PSMD13: variants seen among roughly 807,000 people sequenced by gnomAD.
The protein encoded by PSMD13 is 26S proteasome non-ATPase regulatory subunit 13.
Under a neutral mutation model 57.4 loss-of-function variants are expected in PSMD13, and 8 were observed. The ratio of observed to expected loss-of-function variants is 0.14; its 90% confidence interval spans 0.08 to 0.25. The LOEUF (loss-of-function observed/expected upper bound fraction) is 0.25, where lower values mean the gene tolerates loss of function less well. Ranked by LOEUF, PSMD13 falls within the 10% of genes least tolerant of loss-of-function variation. The pLI is 1.00. For synonymous variants in PSMD13, 193 were observed against 168.2 expected, an observed-to-expected ratio of 1.15 and a Z score of -1.14; for missense variants, 400 against 461.5, an observed-to-expected ratio of 0.87 and a Z score of 1.22.
rs982723841 is a variant in PSMD13 at position 244,754 on chromosome 11, T to C, written c.389T>C (p.Val130Ala). Reference sequence around the variant, plus strand: ...AAATTAAACATCGGGGACCTACAGGTTACAAAGGTGAGATCACCATAATAC... The same window carrying C: ...AAATTAAACATCGGGGACCTACAGGCTACAAAGGTGAGATCACCATAATAC... ...ALKLNIGDLQ[V>A]TKETIEDVEE... is the part of the protein sequence containing the mutation. The change falls in exon 6 of 13, where the codon GTT becomes GCT. Residue 130 changes from valine (V) to alanine (A), a missense_variant. Transcript: ENST00000532097. 14 of 1,609,552 alleles carry C rather than the reference T, an allele frequency of 8.7e-6. No homozygotes were observed. In the African/African-American group the frequency reaches 1.5e-4, roughly 17 times the overall value.
chr11:248,779 C>T lies in PSMD13; in HGVS notation c.572C>T (p.Ser191Phe). ...TGGGCCTGTGTTGCTACCATAGTGTCTGAGCAGCAGGAGAGAGCCTTCACG... is the reference window on the plus strand; with the variant it reads ...TGGGCCTGTGTTGCTACCATAGTGTTTGAGCAGCAGGAGAGAGCCTTCACG... The part of the protein sequence containing the change: ...GCVDIKDLPV[S>F]EQQERAFTLG... The change falls in exon 8 of 13, where the codon TCT becomes TTT. Residue 191 changes from serine to phenylalanine, a missense_variant. Transcript: ENST00000532097. 6.2e-7 allele frequency: 1 copy of T among 1,614,026 alleles called. No homozygotes were observed. The highest frequency in any genetic ancestry group is 8.5e-7 in the Non-Finnish European group (1 of 1,179,904).
At chr11:249,117 G>C in intron 9 of PSMD13, 60 bp downstream of exon 9, 1 of 1,595,370 alleles carries the variant, frequency 6.3e-7, no homozygotes, top group South Asian at 1.1e-5. Flanking sequence ...TCATACAACA[G>C]ATGTTCATTG....
Position 248,982 on chromosome 11 carries a change from G to A in PSMD13, c.699G>A (p.Leu233=). 1 of 1,614,174 alleles carries A rather than the reference G, an allele frequency of 6.2e-7. No individual in the cohort carries two copies. Among genetic ancestry groups the A allele is most frequent in the Non-Finnish European group, 8.5e-7 (1 of 1,180,042 alleles). Residue 233 remains leucine, a synonymous_variant, in exon 9 of 13, where the codon CTG becomes CTA. Transcript: ENST00000532097. The stretch of plus-strand genomic sequence containing the variant: ...TGAGGAATACTGACCGGCAGTGGCT[G>A]ATTGACACCCTCTATGCCTTCAACA... ...ESLRNTDRQW[L]IDTLYAFNSG...
chr11:249,543 A>C (rs901164985), intron 9 of PSMD13, among the ~76,000 whole-genome samples: 1 of 117,534 alleles, frequency 8.5e-6, no homozygotes, highest in East Asian at 2.7e-4. Context: ...CGGTGGGTGC[A>C]GGGAGGGGGA....
intron 2 of PSMD13, among the ~76,000 whole-genome samples, chr11:239,709 A>G (rs765074601): frequency 2.0e-5 from 3 of 152,092 alleles, no homozygotes; most frequent in Non-Finnish European, 2.9e-5. Context: ...GTAGACAAAT[A>G]CGCACCTTCT....
In PSMD13 at chr11:251,188, C is replaced by G. The variant is rs967875232; in HGVS notation, c.837+323C>G. 2.2e-6 allele frequency: 1 copy of G among 452,278 alleles called. No individual in the cohort carries two copies. The highest frequency in any genetic ancestry group is 3.7e-5 in the Admixed American group (1 of 27,088). The allele number at this position is 452,278 out of a possible 1,614,324, so 28.0% of individuals were successfully genotyped here. A position where few individuals can be genotyped will look rare whatever the true frequency, so the allele number is the denominator to read the frequency against. On this transcript the variant is annotated intron_variant, in intron 10 of 12. Transcript: ENST00000532097. This position sits in a 1 kb window ranked among gnomAD's most constrained non-coding sequence, Gnocchi z 4.6. ...CATTGCATGTCGCTTCTTGTGTACA[C>G]GCACATCTGTCTTTCCCCACTAGAA...
At position 248,758 on chromosome 11, in the gene PSMD13, C is replaced by T; in HGVS notation, c.569-18C>T. The T allele has an allele frequency of 1.9e-6, 3 of 1,611,732 alleles. No homozygotes were observed. Among genetic ancestry groups the T allele is most frequent in the Non-Finnish European group, 2.5e-6 (3 of 1,177,878 alleles). On this transcript the variant is annotated intron_variant, in intron 7 of 12. Transcript: ENST00000532097. ...TTATTATGACTGGATTGTAAGTGGG[C>T]CTGTGTTGCTACCATAGTGTCTGAG...
At position 251,700 on chromosome 11, in the gene PSMD13, C is replaced by T. The variant is rs766879358; in HGVS notation, c.918+74C>T. ...AGGAGTCAAGGCTCTTGTGTGAGCG[C>T]TGTGCTCCCTAGACAGTAAAAAATG... On this transcript the variant is annotated intron_variant, in intron 11 of 12. Transcript: ENST00000532097. This position sits in a 1 kb window ranked among gnomAD's most constrained non-coding sequence, Gnocchi z 4.6. 5.2e-6 allele frequency: 8 copies of T among 1,545,680 alleles called. No homozygotes were observed. The Middle Eastern group carries it at 5.1e-4, about 98-fold the overall frequency.
chr11:250,609 T>C (rs1278660971), intron 9 of PSMD13, among the ~76,000 whole-genome samples, 194 bp from the exon 10 acceptor site: 1 of 152,224 alleles, frequency 6.6e-6, no homozygotes, highest in Non-Finnish European at 1.5e-5. Context: ...TGCGACTCTT[T>C]CCATTTCCTA....
Position 249,027 on chromosome 11 carries a change from C to T in PSMD13, c.744C>T (p.Phe248=), listed in dbSNP as rs201506453. 4 of 1,613,462 alleles carry T rather than the reference C, an allele frequency of 2.5e-6. No homozygotes were observed. The highest frequency in any genetic ancestry group is 3.4e-6 in the Non-Finnish European group (4 of 1,180,030). The change falls in exon 9 of 13, where the codon TTC becomes TTT. Residue 248 remains phenylalanine, a synonymous_variant. Transcript: ENST00000532097. Reference sequence around the variant, plus strand: ...TCAACAGTGGCAACGTAGAGCGGTTCCAGACTCTGAAGACTGCCTGGGGCC... The same window carrying T: ...TCAACAGTGGCAACGTAGAGCGGTTTCAGACTCTGAAGACTGCCTGGGGCC... ...YAFNSGNVER[F]QTLKTAWGQQ...
At position 237,164 on chromosome 11, in the gene PSMD13, G is replaced by T; in HGVS notation, c.95+20G>T. On this transcript the variant is annotated intron_variant, in intron 1 of 12. Transcript: ENST00000532097. ...GAAGAAGTGAGCGCCGAGCAGACGG[G>T]CCCTGGGCCCCGGCGATAGAGGGAG... is the stretch of plus-strand genomic sequence containing the variant. The T allele has an allele frequency of 1.3e-6, 2 of 1,597,838 alleles. No individual in the cohort carries two copies. Among genetic ancestry groups the T allele is most frequent in the Non-Finnish European group, 1.7e-6 (2 of 1,169,876 alleles).
chr11:251,008 CT>C lies in PSMD13; in HGVS notation c.837+147del. 1.4e-6 allele frequency: 1 copy of C among 731,102 alleles called. No homozygotes were observed. Among genetic ancestry groups the C allele is most frequent in the Non-Finnish European group, 2.3e-6 (1 of 429,342 alleles). 45.3% of individuals were successfully genotyped at this position (731,102 alleles called of 1,614,324 possible). A position where few individuals can be genotyped will look rare whatever the true frequency, so the allele number is the denominator to read the frequency against. ...GTGCGCCGCTCTCTTCACCACCTTCCTTTTCCTTTGCTACCACTTGCTCTTC... is the reference window on the plus strand; with the variant it reads ...GTGCGCCGCTCTCTTCACCACCTTCCTTTCCTTTGCTACCACTTGCTCTTC... On this transcript the variant is annotated intron_variant, in intron 10 of 12. Transcript: ENST00000532097. This position sits in a 1 kb window ranked among gnomAD's most constrained non-coding sequence, Gnocchi z 4.6.
Position 247,468 on chromosome 11 carries a change from C to T in PSMD13, c.568+20C>T. ...TACCAGGTAACCTAGGCCATTAAAT[C>T]CATGTCACACAGGAGCATATTCTCC... On this transcript the variant is annotated intron_variant, in intron 7 of 12. Coordinates refer to ENST00000532097, the MANE Select transcript of PSMD13 (RefSeq NM_002817.4). 6.2e-7 allele frequency: 1 copy of T among 1,605,660 alleles called. No individual in the cohort carries two copies. The highest frequency in any genetic ancestry group is 1.1e-5 in the South Asian group (1 of 90,030).
chr11:251,798 A>G lies in PSMD13; in HGVS notation c.919-22A>G, dbSNP rs1859769961. ...GGTGTGTCAGGCTATCTTGTCTTAC[A>G]CACGCCTCCCTCTCTGCACAGGTGG... On this transcript the variant is annotated intron_variant, in intron 11 of 12. Transcript: ENST00000532097. This position sits in a 1 kb window ranked among gnomAD's most constrained non-coding sequence, Gnocchi z 4.6. The G allele has an allele frequency of 6.2e-7, 1 of 1,609,334 alleles. No individual in the cohort carries two copies. The highest frequency in any genetic ancestry group is 8.5e-7 in the Non-Finnish European group (1 of 1,176,358).
intron 6 of PSMD13, among the ~76,000 whole-genome samples, chr11:245,607 C>T (rs532975278): frequency 1.2e-4 from 18 of 149,936 alleles, no homozygotes; most frequent in Non-Finnish European, 1.9e-4. Context: ...GCAGTGAAAC[C>T]GACATGTGGC....
rs1416421480 is a variant in PSMD13, at chr11:252,314, C to G, written c.1036-191C>G. On this transcript the variant is annotated intron_variant, in intron 12 of 12. Transcript: ENST00000532097. This position sits in a 1 kb window ranked among gnomAD's most constrained non-coding sequence, Gnocchi z 4.1. ...CTGCTTTCTTTCATGCAAGTTTTTT[C>G]TAACGTTCCTGTGAAAAGAATTAAC... The G allele has an allele frequency of 8.7e-6, 5 of 574,904 alleles. No individual in the cohort carries two copies. The highest frequency in any genetic ancestry group is 1.6e-5 in the Non-Finnish European group (5 of 321,104). The allele number at this position is 574,904 out of a possible 1,614,324, so 35.6% of individuals were successfully genotyped here. A position where few individuals can be genotyped will look rare whatever the true frequency, so the allele number is the denominator to read the frequency against.
At chr11:250,889 T>A (rs1217427653) in intron 10 of PSMD13, 24 bp downstream of exon 10, 10 of 1,610,102 alleles carry the variant, frequency 6.2e-6, no homozygotes, top group Non-Finnish European at 8.5e-6. Flanking sequence ...CAGGAGCCAC[T>A]TTGTCTGTGG....
intron 1 of PSMD13, among the ~76,000 whole-genome samples, chr11:238,181 CAG>C (rs948195032): frequency 1.3e-5 from 2 of 152,194 alleles, no homozygotes; most frequent in Non-Finnish European, 2.9e-5. Flanking sequence ...ATCCTTTTCA[CAG>C]AGGAGGAAAC....
chr11:244,259 G>A lies in PSMD13; in HGVS notation c.265+43G>A, dbSNP rs1426960862. 6 of 1,595,578 alleles carry A rather than the reference G, an allele frequency of 3.8e-6. No individual in the cohort carries two copies. In the African/African-American group the frequency reaches 6.8e-5, roughly 18 times the overall value. Reference sequence around the variant, plus strand: ...TTATAAAGGAGCAGATCCAAATGGTGGTTAAAATTGAAATATAAGTTAACT... The same window carrying A: ...TTATAAAGGAGCAGATCCAAATGGTAGTTAAAATTGAAATATAAGTTAACT... On this transcript the variant is annotated intron_variant, in intron 4 of 12. Coordinates refer to ENST00000532097, the MANE Select transcript of PSMD13 (RefSeq NM_002817.4).
Sources: allele counts gnomAD v4.1 joint callset (sites outside exome capture counted in the v4.1 genomes callset), GRCh38; gene constraint gnomAD v4.1.1; non-coding constraint Gnocchi (gnomAD v3.1); transcripts MANE v1.5; gene names NCBI Gene and HGNC (gene_info 2026-07-23, HGNC 2026-07-21).